BRD1: variants seen among roughly 807,000 people sequenced by gnomAD.
BRD1 encodes bromodomain containing 1.
Under a neutral mutation model 107.7 loss-of-function variants are expected in BRD1, and 24 were observed. That is an observed-to-expected ratio of 0.22 (90% CI 0.16 to 0.31). BRD1 has a LOEUF of 0.31. Among genes scored for constraint, BRD1 ranks in the 10% least tolerant of loss-of-function variants. BRD1 has a pLI of 1.00. For synonymous variants in BRD1, 744 were observed against 686.1 expected, an observed-to-expected ratio of 1.08 and a Z score of -1.32; for missense variants, 1,279 against 1,638.6, an observed-to-expected ratio of 0.78 and a Z score of 3.79.
At position 49,792,021 on chromosome 22, in the gene BRD1, G is replaced by A. The variant is rs911634482; in HGVS notation, c.2359+2013C>T. 6.6e-6 allele frequency among the ~76,000 whole-genome samples: 1 copy of A among 152,140 alleles called. No individual in the cohort carries two copies. Among genetic ancestry groups the A allele is most frequent in the African/African-American group, 2.4e-5 (1 of 41,426 alleles). On this transcript the variant is annotated intron_variant, in intron 7 of 12. Transcript: ENST00000404760. The surrounding 1 kb of genome is among the most constrained non-coding windows in gnomAD (Gnocchi z 4.2). Reference sequence around the variant, plus strand: ...TGGTCTCCAAAGGCTCCTGCTAAGCGTTGGGTGTTATGAGGAGCCACGCTC... The same window carrying A: ...TGGTCTCCAAAGGCTCCTGCTAAGCATTGGGTGTTATGAGGAGCCACGCTC...
chr22:49,827,076 G>C (rs1273844894), intron 1 of BRD1, among the ~76,000 whole-genome samples: 2 of 151,992 alleles, frequency 1.3e-5, no homozygotes, highest in African/African-American at 4.8e-5. Flanking sequence ...TCTTGGCAGA[G>C]CTCGGCGGGC....
intron 3 of BRD1, among the ~76,000 whole-genome samples, chr22:49,799,712 G>C (rs1344897809): frequency 6.6e-6 from 1 of 152,194 alleles, no homozygotes; most frequent in African/African-American, 2.4e-5. Context: ...CTTCTCAGTG[G>C]ACAGAAGAGT....
At chr22:49,794,497 C>A (rs867580702) in intron 6 of BRD1, among the ~76,000 whole-genome samples, 1 of 152,258 alleles carries the variant, frequency 6.6e-6, no homozygotes, top group African/African-American at 2.4e-5. Context: ...CACTGGGATG[C>A]TCCTGATGGA....
Position 49,775,647 on chromosome 22 carries a change from C to A in BRD1, c.3330G>T (p.Gln1110His). The A allele has an allele frequency of 1.2e-6, 2 of 1,613,814 alleles. No individual in the cohort carries two copies. The highest frequency in any genetic ancestry group is 1.7e-6 in the Non-Finnish European group (2 of 1,179,846). The change falls in exon 12 of 13, where the codon CAG becomes CAT. Residue 1110 changes from glutamine to histidine, a missense_variant. Gln to His is a conservative substitution (Grantham distance 24). Around this residue, in one of 7 missense-constraint regions of BRD1, gnomAD observed 136 missense variants for 196.8 expected, o/e 0.69. Coordinates refer to ENST00000404760, the MANE Select transcript of BRD1 (RefSeq NM_001304808.3). Reference sequence around the variant, plus strand: ...GGAACAGCTTCTCATCAGACTTGGTCTGCATGTGCTCCCCAATCTTCAGCA... The same window carrying A: ...GGAACAGCTTCTCATCAGACTTGGTATGCATGTGCTCCCCAATCTTCAGCA... ...LDVLKIGEHM[Q>H]TKSDEKLFLV... is the part of the protein sequence containing the mutation.
At position 49,803,878 on chromosome 22, in the gene BRD1, A is replaced by G. The variant is rs897533960; in HGVS notation, c.1524+326T>C. On this transcript the variant is annotated intron_variant, in intron 3 of 12. Transcript: ENST00000404760. The surrounding 1 kb of genome is among the most constrained non-coding windows in gnomAD (Gnocchi z 4.4). ...GCCCGGACGCTCATGCAGCCACAGC[A>G]TAACACATCCCTGAGCATCCCCAGT... Among the ~76,000 whole-genome samples the G allele has an allele frequency of 6.6e-6, 1 of 152,230 alleles. No individual in the cohort carries two copies. Among genetic ancestry groups the G allele is most frequent in the African/African-American group, 2.4e-5 (1 of 41,454 alleles).
At chr22:49,780,468 G>GC (rs1425605716) in intron 8 of BRD1, among the ~76,000 whole-genome samples, 1 of 152,174 alleles carries the variant, frequency 6.6e-6, no homozygotes, top group African/African-American at 2.4e-5. Context: ...CCAGCAGGAG[G>GC]CCTGGCGGGG....
In BRD1 at chr22:49,823,699, G is replaced by T. The variant is rs1470150221; in HGVS notation, c.619C>A (p.Gln207Lys). The part of the protein sequence containing the change: ...SHCENQKQGE[Q>K]QSLIDEDAVC... ...GCGTCCTCGTCGATCAGAGACTGCTGCTCGCCCTGCTTCTGGTTCTCGCAG... is the reference window on the plus strand; with the variant it reads ...GCGTCCTCGTCGATCAGAGACTGCTTCTCGCCCTGCTTCTGGTTCTCGCAG... Residue 207 changes from glutamine (Q) to lysine (K), a missense_variant, in exon 2 of 13, where the codon CAG becomes AAG. Physicochemically the swap from Gln to Lys is moderately conservative, Grantham distance 53. Coordinates refer to ENST00000404760, the MANE Select transcript of BRD1 (RefSeq NM_001304808.3). 6.2e-7 allele frequency: 1 copy of T among 1,613,632 alleles called. No individual in the cohort carries two copies. The highest frequency in any genetic ancestry group is 1.7e-5 in the Admixed American group (1 of 59,996).
Position 49,804,072 on chromosome 22 carries a change from C to T in BRD1, c.1524+132G>A, listed in dbSNP as rs111730214. On this transcript the variant is annotated intron_variant, in intron 3 of 12. Transcript: ENST00000404760. ...CTCCTCCTACAGCTCCAGGGCTGGACGAGACGGAGGCTTCCCAACGGGGAG... is the reference window on the plus strand; with the variant it reads ...CTCCTCCTACAGCTCCAGGGCTGGATGAGACGGAGGCTTCCCAACGGGGAG... The T allele has an allele frequency of 4.4e-4, 319 of 721,354 alleles. 2 individuals are homozygous for T. The African/African-American group carries it at 4.6e-3, about 10-fold the overall frequency. 44.7% of individuals were successfully genotyped at this position (721,354 alleles called of 1,614,324 possible).
intron 7 of BRD1, among the ~76,000 whole-genome samples, chr22:49,791,742 G>A (rs1337071568): frequency 6.6e-6 from 1 of 150,634 alleles, no homozygotes; most frequent in Non-Finnish European, 1.5e-5. Flanking sequence ...CACCTCTCCA[G>A]AGACCCCCAA....
intron 10 of BRD1, 103 bp downstream of exon 10, chr22:49,776,930 AG>A (rs1277123738): frequency 6.6e-7 from 1 of 1,515,132 alleles, no homozygotes; most frequent in African/African-American, 1.4e-5. Flanking sequence ...GGCTCCACAC[AG>A]GGCACCATGC....
At chr22:49,788,232 T>C (rs907667070) in intron 7 of BRD1, among the ~76,000 whole-genome samples, 6 of 152,276 alleles carry the variant, frequency 3.9e-5, no homozygotes, top group African/African-American at 1.2e-4. Context: ...AGAAAAGGTA[T>C]CTCACATAAC....
At chr22:49,778,359 G>A (rs371607788) in intron 8 of BRD1, among the ~76,000 whole-genome samples, 12 of 152,214 alleles carry the variant, frequency 7.9e-5, no homozygotes, top group African/African-American at 2.7e-4. Flanking sequence ...AAATGCTGAC[G>A]AAACACTTTA....
At chr22:49,816,805 C>T (rs548667550) in intron 2 of BRD1, among the ~76,000 whole-genome samples, 22 of 152,318 alleles carry the variant, frequency 1.4e-4, no homozygotes, top group African/African-American at 4.6e-4. Flanking sequence ...AAGTGCCTTC[C>T]GAATTCTGGG....
chr22:49,792,613 C>A lies in BRD1; in HGVS notation c.2359+1421G>T, dbSNP rs1446917132. Among the ~76,000 whole-genome samples, 1 of 152,224 alleles carries A rather than the reference C, an allele frequency of 6.6e-6. No homozygotes were observed. The highest frequency in any genetic ancestry group is 1.5e-5 in the Non-Finnish European group (1 of 68,040). On this transcript the variant is annotated intron_variant, in intron 7 of 12. Coordinates refer to ENST00000404760, the MANE Select transcript of BRD1 (RefSeq NM_001304808.3). The surrounding 1 kb of genome is among the most constrained non-coding windows in gnomAD (Gnocchi z 4.2). Reference sequence around the variant, plus strand: ...ACCTTGAAATAGAAAAGCCTTTATTCTATGGACCTAACGTAATTGACGCCA... The same window carrying A: ...ACCTTGAAATAGAAAAGCCTTTATTATATGGACCTAACGTAATTGACGCCA...
intron 2 of BRD1, chr22:49,806,151 G>A (rs1006064889): frequency 1.3e-5 from 2 of 152,074 alleles, no homozygotes; most frequent in Non-Finnish European, 2.9e-5. Flanking sequence ...TTACAGACAT[G>A]AGCCACCACA....
chr22:49,804,348 A>G lies in BRD1; in HGVS notation c.1380T>C (p.Ile460=). The change falls in exon 3 of 13, where the codon ATT becomes ATC. Residue 460 remains isoleucine (I), a synonymous_variant. Coordinates refer to ENST00000404760, the MANE Select transcript of BRD1 (RefSeq NM_001304808.3). ...PYIPPQRLNR[I]ANQVAIQRKK... ...TCCGCTGAATGGCCACCTGATTCGC[A>G]ATCCTATTTAACCTAAAACACAAAC... 1 of 1,606,644 alleles carries G rather than the reference A, an allele frequency of 6.2e-7. No individual in the cohort carries two copies. The highest frequency in any genetic ancestry group is 8.5e-7 in the Non-Finnish European group (1 of 1,175,806).
chr22:49,801,520 A>C (rs886798362), intron 3 of BRD1, among the ~76,000 whole-genome samples: 6 of 152,222 alleles, frequency 3.9e-5, no homozygotes, highest in Non-Finnish European at 7.3e-5. Flanking sequence ...GGCCAGGAGA[A>C]GGCAGAAGCA....
Position 49,804,333 on chromosome 22 carries a change from G to A in BRD1, c.1395C>T (p.Ala465=). 3 of 1,608,178 alleles carry A rather than the reference G, an allele frequency of 1.9e-6. No homozygotes were observed. The African/African-American group carries it at 4.0e-5, about 21-fold the overall frequency. The change falls in exon 3 of 13, where the codon GCC becomes GCT. Residue 465 remains alanine (A), a synonymous_variant. Coordinates refer to ENST00000404760, the MANE Select transcript of BRD1 (RefSeq NM_001304808.3). ...QRLNRIANQV[A]IQRKKQFVER... ...CCACAAACTGCTTCTTCCGCTGAAT[G>A]GCCACCTGATTCGCAATCCTATTTA... is the stretch of plus-strand genomic sequence containing the variant.
intron 2 of BRD1, among the ~76,000 whole-genome samples, chr22:49,821,413 TC>T (rs1166964442): frequency 6.6e-6 from 1 of 152,202 alleles, no homozygotes; most frequent in African/African-American, 2.4e-5. Flanking sequence ...AACCATCTCT[TC>T]AAAGTCAGAT....
Sources: allele counts gnomAD v4.1 joint callset (sites outside exome capture counted in the v4.1 genomes callset), GRCh38; gene constraint gnomAD v4.1.1; regional missense constraint gnomAD v4.1.1; non-coding constraint Gnocchi (gnomAD v3.1); transcripts MANE v1.5; gene names NCBI Gene and HGNC (gene_info 2026-07-23, HGNC 2026-07-21).